Variants in ZNF91 observed in about 807,000 individuals in gnomAD.
The protein encoded by ZNF91 is zinc finger protein 91 (HPF7, HTF10).
Under a neutral mutation model 12.6 loss-of-function variants are expected in ZNF91, and 7 were observed. The ratio of observed to expected loss-of-function variants is 0.55; its 90% confidence interval spans 0.31 to 1.04. ZNF91 has a LOEUF of 1.04. Among genes scored for constraint, ZNF91 ranks in the 50% least tolerant of loss-of-function variants. ZNF91 has a pLI of 0.05. For missense variants in ZNF91, 1,217 were observed against 1,385.4 expected (o/e 0.88, Z 1.93); for synonymous variants, 453 against 462.6 (o/e 0.98, Z 0.27).
chr19:23,369,458 G>A (rs897587094), intron 3 of ZNF91, among the ~76,000 whole-genome samples: 1 of 152,046 alleles, frequency 6.6e-6, no homozygotes, highest in African/African-American at 2.4e-5. Context: ...CGCCCCTTCT[G>A]GGAAGTGAGG....
chr19:23,345,602 G>A (rs931041880), intron 3 of ZNF91, among the ~76,000 whole-genome samples: 6 of 151,196 alleles, frequency 4.0e-5, no homozygotes, highest in East Asian at 1.9e-4. Flanking sequence ...TCCTCTTCCC[G>A]ACCCTACCTC....
intron 1 of ZNF91, among the ~76,000 whole-genome samples, chr19:23,394,905 C>G (rs190750892): frequency 1.2e-3 from 186 of 152,248 alleles, no homozygotes; most frequent in African/African-American, 4.0e-3. Flanking sequence ...ATTATTTAAT[C>G]TTTTCGCGGT....
downstream of ZNF91, among the ~76,000 whole-genome samples, chr19:23,335,488 C>T (rs933988861): frequency 2.1e-4 from 32 of 152,186 alleles, no homozygotes; most frequent in African/African-American, 7.5e-4. Context: ...TCAAACTTCC[C>T]GGCTGCTTTG....
At chr19:23,312,551 C>T (rs1293823933), upstream of ZNF91, among the ~76,000 whole-genome samples, 1 of 152,094 alleles carries the variant, frequency 6.6e-6, no homozygotes, top group African/African-American at 2.4e-5. Context: ...TTATTGAGGT[C>T]CTGAATCTTA....
chr19:23,368,558 C>CTA (rs1392705570), intron 3 of ZNF91, among the ~76,000 whole-genome samples: 772 of 121,626 alleles, frequency 6.3e-3, no homozygotes, highest in Non-Finnish European at 7.6e-3. Context: ...CTCTCTCTCT[C>CTA]TCTCTATATA....
intron 3 of ZNF91, among the ~76,000 whole-genome samples, chr19:23,351,313 G>A (rs1968359125): frequency 1.4e-5 from 2 of 142,730 alleles, no homozygotes; most frequent in African/African-American, 2.6e-5. Context: ...GACAGAGCAA[G>A]ACTCAACCAC....
chr19:23,327,701 T>G (rs1280962975), intron 1 of ZNF91: 1 of 152,222 alleles, frequency 6.6e-6, no homozygotes, highest in Admixed American at 6.5e-5. Flanking sequence ...AATAGATTTT[T>G]TTAAGCCATT....
chr19:23,386,451 C>T (rs550580504), intron 1 of ZNF91, among the ~76,000 whole-genome samples: 4 of 152,212 alleles, frequency 2.6e-5, no homozygotes, highest in African/African-American at 9.6e-5. Context: ...GGAACTGGTA[C>T]AGAAACAAAC....
chr19:23,319,632 G>A, intron 1 of ZNF91, among the ~76,000 whole-genome samples: 1 of 152,176 alleles, frequency 6.6e-6, no homozygotes, highest in East Asian at 1.9e-4. Flanking sequence ...CCTCCTAACA[G>A]AAAAGATTAT....
intron 1 of ZNF91, among the ~76,000 whole-genome samples, chr19:23,310,268 G>C (rs942543468): frequency 6.6e-6 from 1 of 152,138 alleles, no homozygotes; most frequent in Non-Finnish European, 1.5e-5. Context: ...ACACAGCAAA[G>C]AGTAAAGATG....
chr19:23,362,379 A>G lies in ZNF91; in HGVS notation c.600T>C (p.His200=). 6.2e-7 allele frequency: 1 copy of G among 1,613,690 alleles called. No homozygotes were observed. The highest frequency in any genetic ancestry group is 1.3e-5 in the African/African-American group (1 of 75,018). ...SFCIRLHKTQ[H]KCVYITEKSC... is the part of the protein sequence containing the mutation. ...ACTTCTCTGTAATATAAACGCATTT[A>G]TGTTGGGTTTTGTGTAAACGGATGC... The change falls in exon 4 of 4, where the codon CAT becomes CAC. Residue 200 remains histidine (H), a synonymous_variant. Transcript: ENST00000300619.
chr19:23,369,139 G>C (rs1335825171), intron 3 of ZNF91, among the ~76,000 whole-genome samples: 1 of 152,042 alleles, frequency 6.6e-6, no homozygotes, highest in Non-Finnish European at 1.5e-5. Context: ...GTGAAACCCT[G>C]TCTCTACTAA....
intron 1 of ZNF91, chr19:23,385,116 C>A (rs182583926): frequency 1.3e-6 from 1 of 772,006 alleles, no homozygotes; most frequent in Non-Finnish European, 2.3e-6. Context: ...CCGAACAGTA[C>A]CCCGAATGGC....
At chr19:23,371,704 C>T (rs955325883) in intron 3 of ZNF91, among the ~76,000 whole-genome samples, 3 of 152,048 alleles carry the variant, frequency 2.0e-5, no homozygotes, top group Admixed American at 6.5e-5. Flanking sequence ...GTCTAGAAAA[C>T]GGCAATGTTT....
chr19:23,347,654 T>C (rs1270376537), intron 3 of ZNF91, among the ~76,000 whole-genome samples: 1 of 152,158 alleles, frequency 6.6e-6, no homozygotes, highest in Non-Finnish European at 1.5e-5. Flanking sequence ...ACTCTTTCCA[T>C]GTCAATTACA....
chr19:23,344,824 C>A (rs1386898146), intron 3 of ZNF91, among the ~76,000 whole-genome samples: 3 of 152,200 alleles, frequency 2.0e-5, no homozygotes, highest in African/African-American at 7.2e-5. Flanking sequence ...CAGCAGCGTG[C>A]GTCAGCAAGA....
intron 2 of ZNF91, 116 bp downstream of exon 2, chr19:23,374,522 T>C (rs1366216072): frequency 5.5e-6 from 6 of 1,082,860 alleles, no homozygotes; most frequent in Non-Finnish European, 7.5e-6. Flanking sequence ...ATCTCGCCAC[T>C]GCACTCCAGT....
chr19:23,359,195 A>G lies in ZNF91; in HGVS notation c.*208T>C. ...TTAAAAGATTTGCCACATTCTTTAT[A>G]TTTGTAGGGTTTCTCTCTAGTATGA... On this transcript the variant is annotated 3_prime_UTR_variant, in exon 4 of 4. Coordinates refer to ENST00000300619, the MANE Select transcript of ZNF91 (RefSeq NM_003430.4). 1 of 488,104 alleles carries G rather than the reference A, an allele frequency of 2.0e-6. No individual in the cohort carries two copies. The highest frequency in any genetic ancestry group is 3.7e-6 in the Non-Finnish European group (1 of 267,102). The allele number at this position is 488,104 out of a possible 1,614,324, so 30.2% of individuals were successfully genotyped here. A position where few individuals can be genotyped will look rare whatever the true frequency, so the allele number is the denominator to read the frequency against.
At chr19:23,319,589 C>T (rs1489023928) in intron 1 of ZNF91, among the ~76,000 whole-genome samples, 1 of 152,210 alleles carries the variant, frequency 6.6e-6, no homozygotes, top group African/African-American at 2.4e-5. Context: ...CATACACTAC[C>T]TAGGACATGT....
Sources: gnomAD v4.1 joint callset for allele counts (sites outside exome capture counted in the v4.1 genomes callset) on GRCh38, gnomAD v4.1.1 for gene constraint, MANE v1.5 for transcripts, NCBI Gene and HGNC (gene_info 2026-07-23, HGNC 2026-07-21) for gene names.